The following CELF1 variants were observed in gnomAD, a reference collection of about 807,000 sequenced individuals.
CELF1 encodes the protein 50 kDa nuclear polyadenylated RNA-binding protein.
Under a neutral mutation model 61.8 loss-of-function variants are expected in CELF1, and 10 were observed. That is an observed-to-expected ratio of 0.16 (90% confidence interval 0.10 to 0.27). The LOEUF (loss-of-function observed/expected upper bound fraction) is 0.27, where lower values mean the gene tolerates loss of function less well. CELF1 is among the 10% of genes least tolerant of loss of function. The probability of loss-of-function intolerance (pLI) is 1.00; values close to 1 mark genes in which losing one functional copy is unlikely to be tolerated. For missense variants in CELF1, 380 were observed against 639.1 expected (o/e 0.59, Z 4.37); for synonymous variants, 236 against 225.1 (o/e 1.05, Z -0.43).
rs954498119 is a variant in CELF1, at chr11:47,471,715, C to T, written c.*515G>A. On this transcript the variant is annotated 3_prime_UTR_variant, in exon 15 of 15. Coordinates refer to ENST00000687097, the MANE Select transcript of CELF1 (RefSeq NM_001376376.1). ...GGTGTCTAGTCACTCCACTCTTCCC[C>T]AAAGCCGCTCTGCTCCCCACAGCTC... is the stretch of plus-strand genomic sequence containing the variant. 3.3e-5 allele frequency: 5 copies of T among 152,620 alleles called. No homozygotes were observed. Among genetic ancestry groups the T allele is most frequent in the African/African-American group, 1.2e-4 (5 of 41,448 alleles). 9.5% of individuals were successfully genotyped at this position (152,620 alleles called of 1,614,324 possible).
chr11:47,552,259 C>G (rs749400260), intron 1 of CELF1, among the ~76,000 whole-genome samples: 1 of 152,188 alleles, frequency 6.6e-6, no homozygotes, highest in African/African-American at 2.4e-5. Context: ...TGAGAAGCTC[C>G]TTGGTGCATG....
chr11:47,473,548 G>C (rs1246451919), intron 13 of CELF1, among the ~76,000 whole-genome samples: 1 of 152,206 alleles, frequency 6.6e-6, no homozygotes, highest in Non-Finnish European at 1.5e-5. Flanking sequence ...TGTAGGCTCA[G>C]AGAGGAACAC....
At chr11:47,550,638 ATC>A (rs574593270) in intron 1 of CELF1, among the ~76,000 whole-genome samples, 3 of 152,038 alleles carry the variant, frequency 2.0e-5, no homozygotes, top group Non-Finnish European at 4.4e-5. Flanking sequence ...TTTAACAATC[ATC>A]TCTGAGTGGT....
intron 1 of CELF1, among the ~76,000 whole-genome samples, chr11:47,547,091 A>AAAAAAAAAAAAAG (rs1390852543): frequency 2.2e-5 from 3 of 138,676 alleles, no homozygotes; most frequent in Non-Finnish European, 4.8e-5. Context: ...AAAAAAAAAA[A>AAAAAAAAAAAAAG]AAGAAAGAAA....
intron 1 of CELF1, among the ~76,000 whole-genome samples, chr11:47,546,232 G>A (rs1418405007): frequency 8.6e-6 from 1 of 116,242 alleles, no homozygotes; most frequent in African/African-American, 3.4e-5. Flanking sequence ...GATACTCTCA[G>A]TATCTTTTTT....
intron 1 of CELF1, among the ~76,000 whole-genome samples, chr11:47,549,523 C>T (rs2153758411): frequency 6.6e-6 from 1 of 152,218 alleles, no homozygotes; most frequent in Middle Eastern, 3.4e-3. Flanking sequence ...CACAGTACAA[C>T]ATGGATGAGT....
intron 1 of CELF1, chr11:47,524,820 A>G (rs1049298807): frequency 1.3e-5 from 2 of 152,250 alleles, no homozygotes; most frequent in Non-Finnish European, 2.9e-5. Context: ...AAAGGGGGCC[A>G]TTAGTGAAAG....
At chr11:47,534,393 C>G (rs1025721143) in intron 1 of CELF1, among the ~76,000 whole-genome samples, 16 of 151,322 alleles carry the variant, frequency 1.1e-4, no homozygotes, top group Non-Finnish European at 1.3e-4. Flanking sequence ...CTCAGCTTCT[C>G]TACACAATTA....
rs1402235986 is a variant in CELF1 at position 47,469,362 on chromosome 11, G to A, written c.*2868C>T. ...GCTCTTAGCTTCCATCCAGGCCCTG[G>A]CCACTCAAGGGGAACCCAGGAGACA... On this transcript the variant is annotated 3_prime_UTR_variant, in exon 15 of 15. Coordinates refer to ENST00000687097, the MANE Select transcript of CELF1 (RefSeq NM_001376376.1). The A allele has an allele frequency of 6.6e-6, 1 of 152,246 alleles. No homozygotes were observed. The highest frequency in any genetic ancestry group is 1.5e-5 in the Non-Finnish European group (1 of 68,052). 9.4% of individuals were successfully genotyped at this position (152,246 alleles called of 1,614,324 possible). A position where few individuals can be genotyped will look rare whatever the true frequency, so the allele number is the denominator to read the frequency against.
In CELF1 at chr11:47,497,265, C is replaced by T. The variant is rs150589003; in HGVS notation, c.71+2188G>A. On this transcript the variant is annotated intron_variant, in intron 3 of 14. Coordinates refer to ENST00000687097, the MANE Select transcript of CELF1 (RefSeq NM_001376376.1). ...GAGAAGCAGAGAAGCACATCAGTGT[C>T]CCCTTAAGCAATGGGAGAATGAAAA... Among the ~76,000 whole-genome samples the T allele has an allele frequency of 2.0e-3, 306 of 152,296 alleles. No individual in the cohort carries two copies. In the Middle Eastern group the frequency reaches 0.02, roughly 10 times the overall value.
chr11:47,480,087 C>T (rs566166726), intron 9 of CELF1, among the ~76,000 whole-genome samples: 2 of 150,134 alleles, frequency 1.3e-5, no homozygotes, highest in East Asian at 2.0e-4. Context: ...CCCACGTCTA[C>T]ACTTTTTTTT....
At position 47,466,254 on chromosome 11, in the gene CELF1, C is replaced by G. The variant is rs889312043; in HGVS notation, c.*5976G>C. The stretch of plus-strand genomic sequence containing the variant: ...CCATAATTTTCTACAGAGTACAACA[C>G]AAGTTCACACAAAAAAGACATTTTC... On this transcript the variant is annotated 3_prime_UTR_variant, in exon 15 of 15. Coordinates refer to ENST00000687097, the MANE Select transcript of CELF1 (RefSeq NM_001376376.1). 1 of 152,022 alleles carries G rather than the reference C, an allele frequency of 6.6e-6. No individual in the cohort carries two copies. The allele number at this position is 152,022 out of a possible 1,614,324, so 9.4% of individuals were successfully genotyped here. A position where few individuals can be genotyped will look rare whatever the true frequency, so the allele number is the denominator to read the frequency against.
chr11:47,558,667 A>G (rs2097215037), intron 2 of CELF1, among the ~76,000 whole-genome samples: 1 of 101,328 alleles, frequency 9.9e-6, no homozygotes, highest in African/African-American at 4.4e-5. Context: ...TATATTACAT[A>G]ATATAATATG....
At chr11:47,474,910 A>G (rs1000828780) in intron 13 of CELF1, among the ~76,000 whole-genome samples, 1 of 152,226 alleles carries the variant, frequency 6.6e-6, no homozygotes, top group Admixed American at 6.5e-5. Context: ...TTTGTCTTCA[A>G]TCAGGACAAA....
intron 1 of CELF1, among the ~76,000 whole-genome samples, chr11:47,503,756 C>T (rs1302059842): frequency 6.6e-6 from 1 of 152,210 alleles, no homozygotes; most frequent in African/African-American, 2.4e-5. Flanking sequence ...TACTGGGTCT[C>T]CTGAGCTCCC....
chr11:47,470,476 GGAC>G lies in CELF1; in HGVS notation c.*1751_*1753del, dbSNP rs970673340. On this transcript the variant is annotated 3_prime_UTR_variant, in exon 15 of 15. Coordinates refer to ENST00000687097, the MANE Select transcript of CELF1 (RefSeq NM_001376376.1). The stretch of plus-strand genomic sequence containing the variant: ...AAGTGTATGTTTCACGTTCCTTAGA[GGAC>G]AACAGACCCAAGTTATCACTATGAG... 1 of 152,028 alleles carries G rather than the reference GGAC, an allele frequency of 6.6e-6. No homozygotes were observed. Among genetic ancestry groups the G allele is most frequent in the African/African-American group, 2.4e-5 (1 of 41,380 alleles). 9.4% of individuals were successfully genotyped at this position (152,028 alleles called of 1,614,324 possible).
At chr11:47,532,289 G>A (rs2096501966) in intron 1 of CELF1, among the ~76,000 whole-genome samples, 2 of 152,338 alleles carry the variant, frequency 1.3e-5, no homozygotes, top group African/African-American at 4.8e-5. Context: ...GCCTCCCAAA[G>A]TGCTGGGATT....
intron 12 of CELF1, among the ~76,000 whole-genome samples, chr11:47,476,401 T>A (rs1420928465): frequency 6.6e-6 from 1 of 152,142 alleles, no homozygotes; most frequent in Non-Finnish European, 1.5e-5. Flanking sequence ...CGGACACAGG[T>A]GGGATTTAAC....
intron 1 of CELF1, among the ~76,000 whole-genome samples, chr11:47,539,209 A>G (rs1270565321): frequency 1.3e-5 from 2 of 152,142 alleles, no homozygotes; most frequent in East Asian, 1.9e-4. Flanking sequence ...ATTAAAAACA[A>G]ATAATTATAA....
Sources: allele counts gnomAD v4.1 joint callset (sites outside exome capture counted in the v4.1 genomes callset), GRCh38; gene constraint gnomAD v4.1.1; transcripts MANE v1.5; gene names NCBI Gene and HGNC (gene_info 2026-07-23, HGNC 2026-07-21).